The following DKK2 variants were observed in gnomAD, a reference collection of about 807,000 sequenced individuals.
The protein encoded by DKK2 is dickkopf Wnt signaling pathway inhibitor 2, also known as dickkopf-related protein 2.
A neutral mutation model predicts 28.1 loss-of-function variants in DKK2; 11 were observed. The ratio of observed to expected loss-of-function variants is 0.39; its 90% CI spans 0.25 to 0.65. DKK2 has a LOEUF of 0.65. Ranked by LOEUF, DKK2 falls within the 30% of genes least tolerant of loss-of-function variation. The probability of loss-of-function intolerance (pLI) is 0.47; values close to 1 mark genes in which losing one functional copy is unlikely to be tolerated. For missense variants in DKK2, 326 were observed against 335.5 expected, an observed-to-expected ratio of 0.97 and a Z score of 0.22; for synonymous variants, 135 against 126.5, an observed-to-expected ratio of 1.07 and a Z score of -0.45.
chr4:107,010,205 A>C (rs1723497251), intron 1 of DKK2, among the ~76,000 whole-genome samples: 1 of 151,780 alleles, frequency 6.6e-6, no homozygotes, highest in Non-Finnish European at 1.5e-5. Flanking sequence ...ATTTTATTTA[A>C]ATTACAAGCA....
At chr4:106,965,943 G>A (rs1267768183) in intron 1 of DKK2, among the ~76,000 whole-genome samples, 3 of 151,134 alleles carry the variant, frequency 2.0e-5, no homozygotes, top group Non-Finnish European at 4.4e-5. Flanking sequence ...TTTTATGGCT[G>A]CATGGTATTC....
intron 1 of DKK2, among the ~76,000 whole-genome samples, chr4:107,031,248 C>T (rs548355077): frequency 6.6e-6 from 1 of 151,812 alleles, no homozygotes; most frequent in South Asian, 2.1e-4. Context: ...TCCAGAGAGG[C>T]TATCAGATTA....
chr4:106,963,867 C>G (rs1031033755), intron 1 of DKK2, among the ~76,000 whole-genome samples: 4 of 152,132 alleles, frequency 2.6e-5, no homozygotes, highest in Non-Finnish European at 5.9e-5. Context: ...TTTATTTCTT[C>G]TAACTCTATT....
chr4:106,938,222 CA>C (rs1263178980), intron 1 of DKK2, among the ~76,000 whole-genome samples: 1 of 149,052 alleles, frequency 6.7e-6, no homozygotes, highest in East Asian at 2.0e-4. Flanking sequence ...AGACCGCTAG[CA>C]AGACTAATAA....
intron 1 of DKK2, among the ~76,000 whole-genome samples, chr4:106,959,669 T>C (rs1212504392): frequency 2.0e-5 from 3 of 152,092 alleles, no homozygotes; most frequent in African/African-American, 7.2e-5. Context: ...CATAACAATA[T>C]GTTTGGAAAA....
At chr4:106,990,019 T>C (rs534436318) in intron 1 of DKK2, among the ~76,000 whole-genome samples, 1 of 152,348 alleles carries the variant, frequency 6.6e-6, no homozygotes, top group South Asian at 2.1e-4. Flanking sequence ...TTCTTTTTTA[T>C]ATTGTCTTTG....
At chr4:107,028,521 C>T (rs1289263785) in intron 1 of DKK2, among the ~76,000 whole-genome samples, 2 of 151,812 alleles carry the variant, frequency 1.3e-5, no homozygotes, top group African/African-American at 2.4e-5. Context: ...ATTACTCTTA[C>T]GTTATTGTTG....
intron 1 of DKK2, among the ~76,000 whole-genome samples, chr4:106,969,576 CT>C: frequency 6.6e-6 from 1 of 152,088 alleles, no homozygotes. Flanking sequence ...TTCTTTTCCC[CT>C]GACATATTTT....
At chr4:107,012,628 G>A (rs1168465932) in intron 1 of DKK2, among the ~76,000 whole-genome samples, 1 of 151,274 alleles carries the variant, frequency 6.6e-6, no homozygotes, top group Non-Finnish European at 1.5e-5. Context: ...GGAAGTGTGA[G>A]AATGGGAAAG....
chr4:106,930,021 G>A (rs1429281334), intron 1 of DKK2, among the ~76,000 whole-genome samples: 4 of 152,050 alleles, frequency 2.6e-5, no homozygotes, highest in African/African-American at 9.7e-5. Flanking sequence ...AATATACTTG[G>A]CCACATCTCT....
At chr4:107,002,843 C>T (rs1197343577) in intron 1 of DKK2, among the ~76,000 whole-genome samples, 20 of 152,190 alleles carry the variant, frequency 1.3e-4, no homozygotes. Context: ...GGACAAATCA[C>T]TTGACTTTTC....
chr4:107,034,853 G>A (rs1723937944), intron 1 of DKK2, among the ~76,000 whole-genome samples: 1 of 152,112 alleles, frequency 6.6e-6, no homozygotes, highest in South Asian at 2.1e-4. Context: ...ATCCCTCTCT[G>A]CCACTTATAC....
chr4:106,933,982 G>GTGTA (rs1418113955), intron 1 of DKK2, among the ~76,000 whole-genome samples: 2 of 151,050 alleles, frequency 1.3e-5, no homozygotes, highest in East Asian at 3.9e-4. Context: ...GTGTGTGTGT[G>GTGTA]TGTGTATGTG....
At chr4:106,979,126 C>T (rs1722990881) in intron 1 of DKK2, among the ~76,000 whole-genome samples, 1 of 151,498 alleles carries the variant, frequency 6.6e-6, no homozygotes, top group Admixed American at 6.6e-5. Flanking sequence ...GCTAACTTCT[C>T]CATGGATGAC....
At chr4:106,938,966 A>G (rs1209858502) in intron 1 of DKK2, among the ~76,000 whole-genome samples, 1 of 151,848 alleles carries the variant, frequency 6.6e-6, no homozygotes, top group Non-Finnish European at 1.5e-5. Context: ...GTATTTCAAA[A>G]TAATAAGAGC....
intron 1 of DKK2, among the ~76,000 whole-genome samples, chr4:107,015,578 T>C (rs543956499): frequency 1.3e-5 from 2 of 151,894 alleles, no homozygotes; most frequent in South Asian, 4.1e-4. Flanking sequence ...TTTAAAACAC[T>C]AATTCATTGG....
chr4:106,953,724 CCT>C (rs562908513), intron 1 of DKK2, among the ~76,000 whole-genome samples: 252 of 152,298 alleles, frequency 1.7e-3, no homozygotes, highest in Non-Finnish European at 2.8e-3. Flanking sequence ...AACACTTTAA[CCT>C]CTTTCTGACA....
chr4:107,019,898 C>A (rs2110372839), intron 1 of DKK2, among the ~76,000 whole-genome samples: 1 of 151,988 alleles, frequency 6.6e-6, no homozygotes, highest in Non-Finnish European at 1.5e-5. Flanking sequence ...AGTGCTTTGG[C>A]TTTGTTTTCC....
intron 1 of DKK2, among the ~76,000 whole-genome samples, chr4:106,951,104 CAT>C (rs1724852734): frequency 6.6e-6 from 1 of 151,848 alleles, no homozygotes; most frequent in South Asian, 2.1e-4. Context: ...AGTGTACAAA[CAT>C]ATCAAATTTA....
Sources: gnomAD v4.1 joint callset for allele counts (sites outside exome capture counted in the v4.1 genomes callset) on GRCh38, gnomAD v4.1.1 for gene constraint, MANE v1.5 for transcripts, NCBI Gene and HGNC (gene_info 2026-07-23, HGNC 2026-07-21) for gene names.